ARMC2: variants seen among roughly 807,000 people sequenced by gnomAD.
ARMC2 encodes armadillo repeat containing 2, also known as armadillo repeat-containing protein 2.
A neutral mutation model predicts 90.3 loss-of-function variants in ARMC2; 67 were observed. The ratio of observed to expected loss-of-function variants is 0.74; its 90% CI spans 0.61 to 0.91. The LOEUF is 0.91. Among genes scored for constraint, ARMC2 ranks in the 40% least tolerant of loss-of-function variants. The pLI is 0.00. For synonymous variants in ARMC2, 393 were observed against 393.0 expected, an observed-to-expected ratio of 1.00 and a Z score of 0.00; for missense variants, 920 against 1,030.9, an observed-to-expected ratio of 0.89 and a Z score of 1.47.
At chr6:108,939,927 C>CA (rs1359685621) in intron 12 of ARMC2, among the ~76,000 whole-genome samples, 1 of 152,144 alleles carries the variant, frequency 6.6e-6, no homozygotes, top group Non-Finnish European at 1.5e-5. Flanking sequence ...TTATTATAAG[C>CA]ATTAATTATT....
chr6:109,002,229 T>C, the ARMC2 span: 1 of 1,524,944 alleles, frequency 6.6e-7, no homozygotes, highest in Non-Finnish European at 9.1e-7. Context: ...TCATGAAAGC[T>C]CTTCCTTAAA....
Position 108,971,479 on chromosome 6 carries a change from C to T in ARMC2, c.2447-1878C>T, listed in dbSNP as rs565500773. Among the ~76,000 whole-genome samples the T allele has an allele frequency of 2.6e-5, 4 of 152,260 alleles. No individual in the cohort carries two copies. The South Asian group carries it at 8.3e-4, about 32-fold the overall frequency. Reference sequence around the variant, plus strand: ...TGAGAGGAAGGTACAAACTGGGATTCCAGACTCCCTTATCTTATTTTGGGT... The same window carrying T: ...TGAGAGGAAGGTACAAACTGGGATTTCAGACTCCCTTATCTTATTTTGGGT... On this transcript the variant is annotated intron_variant, in intron 17 of 17. Transcript: ENST00000392644.
chr6:108,973,887 T>A lies in ARMC2; in HGVS notation c.*373T>A, dbSNP rs1227090803. The A allele has an allele frequency of 1.2e-5, 2 of 162,518 alleles. No homozygotes were observed. The highest frequency in any genetic ancestry group is 4.8e-5 in the African/African-American group (2 of 41,698). 10.1% of individuals were successfully genotyped at this position (162,518 alleles called of 1,614,324 possible). The stretch of plus-strand genomic sequence containing the variant: ...CTGTGCAATGAAGGCTGTTAGATTA[T>A]ATAGAAAGAAGGGTAGGCAACATGA... On this transcript the variant is annotated 3_prime_UTR_variant, in exon 18 of 18. Coordinates refer to ENST00000392644, the MANE Select transcript of ARMC2 (RefSeq NM_032131.6).
At chr6:109,002,582 A>T in the ARMC2 span, among the ~76,000 whole-genome samples, 1 of 152,230 alleles carries the variant, frequency 6.6e-6, no homozygotes, top group East Asian at 1.9e-4. Context: ...AGTTTTGCAT[A>T]AAGTACTTGG....
intron 7 of ARMC2, among the ~76,000 whole-genome samples, chr6:108,903,958 C>G (rs940476866): frequency 1.3e-5 from 2 of 152,212 alleles, no homozygotes; most frequent in Non-Finnish European, 1.5e-5. Flanking sequence ...AAGCAGGTAG[C>G]AGTCCCATTC....
chr6:108,901,562 C>T (rs139384939), intron 7 of ARMC2, among the ~76,000 whole-genome samples: 2,106 of 151,870 alleles, frequency 0.014, 17 homozygotes, highest in African/African-American at 0.024. Context: ...ATGACAGGTG[C>T]GCACCACCAC....
At chr6:108,921,773 C>T (rs1260924443) in intron 10 of ARMC2, among the ~76,000 whole-genome samples, 1 of 152,234 alleles carries the variant, frequency 6.6e-6, no homozygotes, top group Non-Finnish European at 1.5e-5. Flanking sequence ...TTTGTGGTCT[C>T]TGGCGGCTGC....
rs1438890564 is a variant in ARMC2, at chr6:108,959,392, CT to C, written c.1916-2178del. The C allele has an allele frequency of 7.2e-5, 11 of 152,286 alleles. No homozygotes were observed. In the East Asian group the frequency reaches 2.1e-3, roughly 29 times the overall value. 9.4% of individuals were successfully genotyped at this position (152,286 alleles called of 1,614,324 possible). A position where few individuals can be genotyped will look rare whatever the true frequency, so the allele number is the denominator to read the frequency against. ...CCCCTGCTTGCTCCCCAAAGAAAAA[CT>C]TCGGTTTCATACAGGAAAGAAAAGG... On this transcript the variant is annotated intron_variant, in intron 13 of 17. Transcript: ENST00000392644.
chr6:108,955,114 A>G (rs1777476005), intron 13 of ARMC2, among the ~76,000 whole-genome samples: 1 of 152,172 alleles, frequency 6.6e-6, no homozygotes, highest in Non-Finnish European at 1.5e-5. Context: ...ACTTCCCCAC[A>G]GGACCTAGCT....
At chr6:109,035,783 A>C in the ARMC2 span, among the ~76,000 whole-genome samples, 1 of 151,902 alleles carries the variant, frequency 6.6e-6, no homozygotes, top group African/African-American at 2.4e-5. Context: ...TTCTATTTTT[A>C]TTTTTGTAGA....
At chr6:108,871,327 C>T (rs906955216) in intron 4 of ARMC2, among the ~76,000 whole-genome samples, 1 of 152,170 alleles carries the variant, frequency 6.6e-6, no homozygotes, top group Non-Finnish European at 1.5e-5. Flanking sequence ...TTTTCACCAA[C>T]AGCAGTTCTC....
downstream of ARMC2, among the ~76,000 whole-genome samples, chr6:108,976,659 G>A (rs896606905): frequency 1.7e-4 from 26 of 151,952 alleles, no homozygotes; most frequent in Non-Finnish European, 3.4e-4. Context: ...TTTTTAATTT[G>A]TGTCCTCTCT....
At position 108,953,132 on chromosome 6, in the gene ARMC2, C is replaced by T. The variant is rs141795452; in HGVS notation, c.1696C>T (p.Leu566=). ...FSKEKGSIQT[L]LSLFQTFHQL... ...CAAAGAGAAAGGGAGCATCCAAACTCTGCTGTCATTATTCCAGACGTTCCA... is the reference window on the plus strand; with the variant it reads ...CAAAGAGAAAGGGAGCATCCAAACTTTGCTGTCATTATTCCAGACGTTCCA... Residue 566 remains leucine (L), a synonymous_variant, in exon 13 of 18, where the codon CTG becomes TTG. Coordinates refer to ENST00000392644, the MANE Select transcript of ARMC2 (RefSeq NM_032131.6). The T allele has an allele frequency of 5.0e-5, 81 of 1,613,948 alleles. No individual in the cohort carries two copies. Among genetic ancestry groups the T allele is most frequent in the Non-Finnish European group, 6.7e-5 (79 of 1,179,918 alleles).
Position 108,862,769 on chromosome 6 carries a change from C to T in ARMC2, c.291+4498C>T, listed in dbSNP as rs1775408448. Among the ~76,000 whole-genome samples, 6 of 152,084 alleles carry T rather than the reference C, an allele frequency of 3.9e-5. No individual in the cohort carries two copies. In the South Asian group the frequency reaches 1.0e-3, roughly 26 times the overall value. ...GCTGAAAGAGTTTGTGAGGACCTAACCAGTTGAATCTCAGTGCTTTTTGGA... is the reference window on the plus strand; with the variant it reads ...GCTGAAAGAGTTTGTGAGGACCTAATCAGTTGAATCTCAGTGCTTTTTGGA... On this transcript the variant is annotated intron_variant, in intron 3 of 17. Coordinates refer to ENST00000392644, the MANE Select transcript of ARMC2 (RefSeq NM_032131.6).
At chr6:109,018,046 TTC>T in the ARMC2 span, among the ~76,000 whole-genome samples, 5 of 152,132 alleles carry the variant, frequency 3.3e-5, no homozygotes, top group Non-Finnish European at 7.3e-5. Flanking sequence ...AAAAATATAA[TTC>T]CTGATTTTAT....
the ARMC2 span, among the ~76,000 whole-genome samples, chr6:108,985,560 T>G: frequency 6.6e-6 from 1 of 152,342 alleles, no homozygotes; most frequent in African/African-American, 2.4e-5. Context: ...CTTTTATTAC[T>G]TTAGGTATAA....
chr6:109,009,093 G>T, the ARMC2 span: 1 of 797,790 alleles, frequency 1.3e-6, no homozygotes, highest in Non-Finnish European at 1.7e-6. Flanking sequence ...CGCGGCCGCA[G>T]TCTCTCCCAG....
intron 13 of ARMC2, among the ~76,000 whole-genome samples, chr6:108,959,003 C>A (rs1777794350): frequency 6.6e-6 from 1 of 152,200 alleles, no homozygotes; most frequent in Non-Finnish European, 1.5e-5. Context: ...TTTACCATAA[C>A]TAGAATATTT....
chr6:108,989,077 A>G, the ARMC2 span, among the ~76,000 whole-genome samples: 2 of 152,104 alleles, frequency 1.3e-5, no homozygotes, highest in Non-Finnish European at 2.9e-5. Flanking sequence ...ATCTTGGCTT[A>G]TTGCAACCTC....
Sources: gnomAD v4.1 joint callset for allele counts (sites outside exome capture counted in the v4.1 genomes callset) on GRCh38, gnomAD v4.1.1 for gene constraint, MANE v1.5 for transcripts, NCBI Gene and HGNC (gene_info 2026-07-23, HGNC 2026-07-21) for gene names.